The following CBFA2T3 variants were observed in gnomAD, a reference collection of about 807,000 sequenced individuals.
CBFA2T3 encodes transcriptional corepressor CBFA2T3.
CBFA2T3 carries 31 observed loss-of-function variants against 58.6 expected under a neutral mutation model. The observed-to-expected ratio is 0.53, with a 90% confidence interval of 0.40 to 0.71. The LOEUF (loss-of-function observed/expected upper bound fraction) is 0.71. Ranked by LOEUF, CBFA2T3 falls within the 30% of genes least tolerant of loss-of-function variation. CBFA2T3 has a pLI of 0.00. For missense variants in CBFA2T3, 1,076 were observed against 963.1 expected, an observed-to-expected ratio of 1.12 and a Z score of -1.55; for synonymous variants, 531 against 421.9, an observed-to-expected ratio of 1.26 and a Z score of -3.17.
In CBFA2T3 at chr16:88,953,734, G is replaced by A. The variant is rs1972138964; in HGVS notation, c.151+22923C>T. On this transcript the variant is annotated intron_variant, in intron 1 of 11. Transcript: ENST00000268679. This position sits in a 1 kb window ranked among gnomAD's most constrained non-coding sequence, Gnocchi z 4.9. The stretch of plus-strand genomic sequence containing the variant: ...CTTATGTCTGCCTATTGAAGGCACA[G>A]TTTACTCCCGGGAAAATAAACATTT... Among the ~76,000 whole-genome samples, 1 of 152,180 alleles carries A rather than the reference G, an allele frequency of 6.6e-6. No individual in the cohort carries two copies. The highest frequency in any genetic ancestry group is 2.1e-4 in the South Asian group (1 of 4,832).
chr16:88,892,537 C>A (rs201172578), intron 3 of CBFA2T3, 52 bp from the exon 4 acceptor site: 218 of 1,602,520 alleles, frequency 1.4e-4, no homozygotes, highest in Non-Finnish European at 1.7e-4. Context: ...GACAACACAA[C>A]CCAGACGGCG....
At chr16:88,975,552 G>A (rs1003434661) in intron 1 of CBFA2T3, among the ~76,000 whole-genome samples, 1 of 152,274 alleles carries the variant, frequency 6.6e-6, no homozygotes, top group Non-Finnish European at 1.5e-5. Flanking sequence ...CCGCTCCAGA[G>A]AGGACGGGAT....
intron 1 of CBFA2T3, among the ~76,000 whole-genome samples, chr16:88,967,081 G>C (rs1478148529): frequency 6.6e-6 from 1 of 152,062 alleles, no homozygotes; most frequent in Non-Finnish European, 1.5e-5. Flanking sequence ...GGGAAGCTGA[G>C]AACAGTGCGC....
chr16:88,955,793 G>T (rs746836411), intron 1 of CBFA2T3, among the ~76,000 whole-genome samples: 9 of 9,720 alleles, frequency 9.3e-4, no homozygotes, highest in South Asian at 4.5e-3. Flanking sequence ...CTCAGCCAAG[G>T]CTCCTGACCC....
chr16:88,884,856 G>T, intron 7 of CBFA2T3, 190 bp downstream of exon 7: 1 of 537,526 alleles, frequency 1.9e-6, no homozygotes, highest in Non-Finnish European at 3.3e-6. Flanking sequence ...TGGGTTCAGG[G>T]CCCAGGACAG....
intron 1 of CBFA2T3, among the ~76,000 whole-genome samples, chr16:88,907,734 T>A (rs1342417670): frequency 6.6e-6 from 1 of 152,196 alleles, no homozygotes; most frequent in Non-Finnish European, 1.5e-5. Context: ...CTCTGCCAAG[T>A]GTCCTTCTCA....
rs899943902 is a variant in CBFA2T3, at chr16:88,901,626, G to A, written c.182C>T (p.Ala61Val). The A allele has an allele frequency of 1.2e-5, 19 of 1,529,970 alleles. No individual in the cohort carries two copies. The highest frequency in any genetic ancestry group is 1.7e-5 in the Non-Finnish European group (19 of 1,150,128). The allele number at this position is 1,529,970 out of a possible 1,614,324, so 94.8% of individuals were successfully genotyped here. ...APVDRKAKAS[A>V]MPDSPAEVKT... ...CACCTCCGCTGGGGAGTCCGGCATC[G>A]CTGAGGCCTTAGCTTTCCTGTCCAC... The change falls in exon 2 of 12, where the codon GCG (alanine) becomes GTG (valine). Residue 61 changes from alanine (A) to valine (V), a missense_variant. Transcript: ENST00000268679.
chr16:88,941,175 G>A (rs1222180347), intron 1 of CBFA2T3: 1 of 982,712 alleles, frequency 1.0e-6, no homozygotes, highest in Admixed American at 6.2e-5. Flanking sequence ...GGCGCGCGGC[G>A]GGGCTGGGGC....
At chr16:88,941,036 G>T in intron 1 of CBFA2T3, 1 of 985,490 alleles carries the variant, frequency 1.0e-6, no homozygotes. Flanking sequence ...GGGGTCCGGG[G>T]GATCCGGCGG....
chr16:88,947,378 C>T (rs1971930503), intron 1 of CBFA2T3, among the ~76,000 whole-genome samples: 1 of 152,176 alleles, frequency 6.6e-6, no homozygotes, highest in Admixed American at 6.5e-5. Context: ...TCTACATGGC[C>T]CTTCTCTCCC....
At chr16:88,961,114 C>T (rs773143347) in intron 1 of CBFA2T3, among the ~76,000 whole-genome samples, 28 of 152,200 alleles carry the variant, frequency 1.8e-4, no homozygotes, top group Non-Finnish European at 3.5e-4. Context: ...CTGTCTTCCA[C>T]GGCCTCTCCT....
At chr16:88,943,887 A>G (rs1327630274) in intron 1 of CBFA2T3, among the ~76,000 whole-genome samples, 1 of 152,124 alleles carries the variant, frequency 6.6e-6, no homozygotes, top group Non-Finnish European at 1.5e-5. Flanking sequence ...GGCCAGCGTC[A>G]CCTGTGCGGG....
chr16:88,968,399 C>G (rs1972566735), intron 1 of CBFA2T3, among the ~76,000 whole-genome samples: 1 of 152,218 alleles, frequency 6.6e-6, no homozygotes, highest in Non-Finnish European at 1.5e-5. Flanking sequence ...CGAGGAAGCC[C>G]CAGCTGAGGG....
intron 1 of CBFA2T3, among the ~76,000 whole-genome samples, chr16:88,947,452 CTT>C (rs1971932012): frequency 1.3e-5 from 2 of 152,192 alleles, no homozygotes; most frequent in Non-Finnish European, 2.9e-5. Flanking sequence ...GTTTGAAAGT[CTT>C]TTGATTCCCC....
At chr16:88,923,159 AG>A (rs1970976650) in intron 1 of CBFA2T3, among the ~76,000 whole-genome samples, 1 of 152,222 alleles carries the variant, frequency 6.6e-6, no homozygotes, top group Non-Finnish European at 1.5e-5. Flanking sequence ...ATGGCACAGC[AG>A]GTTGGCGAGC....
chr16:88,897,030 C>T (rs1032635723), intron 3 of CBFA2T3, among the ~76,000 whole-genome samples: 12 of 152,260 alleles, frequency 7.9e-5, no homozygotes, highest in African/African-American at 2.7e-4. Context: ...GGGGCACACG[C>T]GAGCACCCCC....
chr16:88,916,968 G>T (rs950962958), intron 1 of CBFA2T3, among the ~76,000 whole-genome samples: 2 of 151,972 alleles, frequency 1.3e-5, no homozygotes, highest in Admixed American at 6.5e-5. Context: ...GGGCTGCTTA[G>T]GAGGCTGAGG....
rs919866443 is a variant in CBFA2T3, at chr16:88,875,173, C to T, written c.*1803G>A. ...CGCACACAGATGCCAGGCCACGGGCCACACCACGCACACAGATGCCAAGCC... is the reference window on the plus strand; with the variant it reads ...CGCACACAGATGCCAGGCCACGGGCTACACCACGCACACAGATGCCAAGCC... On this transcript the variant is annotated 3_prime_UTR_variant, in exon 12 of 12. Transcript: ENST00000268679. The T allele has an allele frequency of 4.3e-6, 1 of 234,894 alleles. No individual in the cohort carries two copies. The highest frequency in any genetic ancestry group is 6.1e-5 in the East Asian group (1 of 16,470). The allele number at this position is 234,894 out of a possible 1,614,324, so 14.6% of individuals were successfully genotyped here. A position where few individuals can be genotyped will look rare whatever the true frequency, so the allele number is the denominator to read the frequency against.
chr16:88,892,020 C>A, intron 4 of CBFA2T3, 49 bp from the exon 5 acceptor site: 1 of 1,495,126 alleles, frequency 6.7e-7, no homozygotes, highest in Non-Finnish European at 9.3e-7. Flanking sequence ...GGCATGTGAG[C>A]CAGCGCCGAC....
Sources: gnomAD v4.1 joint callset for allele counts (sites outside exome capture counted in the v4.1 genomes callset) on GRCh38, gnomAD v4.1.1 for gene constraint, Gnocchi (gnomAD v3.1) non-coding constraint, MANE v1.5 for transcripts, NCBI Gene and HGNC (gene_info 2026-07-23, HGNC 2026-07-21) for gene names.